Variants in RIMBP2 observed in about 807,000 individuals in gnomAD.
The protein encoded by RIMBP2 is RIMS-binding protein 2.
In RIMBP2, 48 loss-of-function variants were observed where a neutral mutation model predicts 118.6. The ratio of observed to expected loss-of-function variants is 0.40; its 90% confidence interval spans 0.32 to 0.51. The LOEUF (loss-of-function observed/expected upper bound fraction) is 0.51, where lower values mean the gene tolerates loss of function less well. Among genes scored for constraint, RIMBP2 ranks in the 20% least tolerant of loss-of-function variants. The pLI is 0.41. For synonymous variants in RIMBP2, 762 were observed against 742.9 expected, an observed-to-expected ratio of 1.03 and a Z score of -0.42; for missense variants, 1,551 against 1,768.3, an observed-to-expected ratio of 0.88 and a Z score of 2.20.
chr12:130,518,335 A>T (rs7134458), intron 2 of RIMBP2, among the ~76,000 whole-genome samples: 25,738 of 152,176 alleles, frequency 0.17, 2,529 homozygotes, highest in African/African-American at 0.27. Flanking sequence ...AAGATAAAGC[A>T]TTCTAAGGAC....
chr12:130,668,670 C>T (rs1195109396), intron 1 of RIMBP2: 1 of 152,328 alleles, frequency 6.6e-6, no homozygotes, highest in Non-Finnish European at 1.5e-5. Flanking sequence ...ACCACCTGCC[C>T]AGTCTCGGCT....
chr12:130,661,236 G>T lies in RIMBP2; in HGVS notation c.-351-32780C>A, dbSNP rs530530245. On this transcript the variant is annotated intron_variant, in intron 1 of 22. Coordinates refer to ENST00000690449, the MANE Select transcript of RIMBP2 (RefSeq NM_001393629.1). ...CCTCAACTGAGTCCAGGTGATCTGG[G>T]TGCCCCTGCTGCTTAGGGTCAGTCA... Among the ~76,000 whole-genome samples the T allele has an allele frequency of 2.0e-5, 3 of 152,240 alleles. No homozygotes were observed. The South Asian group carries it at 6.2e-4, about 32-fold the overall frequency.
At chr12:130,416,858 A>G (rs2076128891) in intron 17 of RIMBP2, among the ~76,000 whole-genome samples, 1 of 152,236 alleles carries the variant, frequency 6.6e-6, no homozygotes, top group Admixed American at 6.5e-5. Context: ...AAGGAACTTA[A>G]ATCAACAAGC....
chr12:130,698,026 C>T (rs1040145694), intron 1 of RIMBP2, among the ~76,000 whole-genome samples: 4 of 151,966 alleles, frequency 2.6e-5, no homozygotes, highest in South Asian at 4.2e-4. Flanking sequence ...CGGTCACGGG[C>T]GTGGAGAGGG....
At chr12:130,440,720 C>T (rs1337929664) in intron 11 of RIMBP2, among the ~76,000 whole-genome samples, 6 of 152,238 alleles carry the variant, frequency 3.9e-5, no homozygotes, top group African/African-American at 4.8e-5. Context: ...AATAAAATGT[C>T]GTCGTGTAAC....
intron 4 of RIMBP2, among the ~76,000 whole-genome samples, chr12:130,489,543 T>C (rs979697574): frequency 6.6e-6 from 1 of 151,988 alleles, no homozygotes; most frequent in African/African-American, 2.4e-5. Flanking sequence ...TCTCGAGCTG[T>C]CTCCTGTAGA....
intron 1 of RIMBP2, chr12:130,659,942 C>A (rs1214529955): frequency 1.3e-5 from 2 of 151,102 alleles, no homozygotes; most frequent in African/African-American, 4.9e-5. Flanking sequence ...TCACTGCACT[C>A]CAGCCTGGGT....
At chr12:130,436,497 T>C (rs1016835075) in intron 13 of RIMBP2, among the ~76,000 whole-genome samples, 2 of 152,146 alleles carry the variant, frequency 1.3e-5, no homozygotes, top group Non-Finnish European at 2.9e-5. Context: ...AGGAAGAGCC[T>C]GGTTCAGGAA....
chr12:130,716,128 AC>A (rs1950313435), intron 1 of RIMBP2, 93 bp downstream of exon 1: 1 of 151,958 alleles, frequency 6.6e-6, no homozygotes, highest in Non-Finnish European at 1.5e-5. Flanking sequence ...TTTCCGGCTA[AC>A]CCCCTGTGAT....
intron 2 of RIMBP2, among the ~76,000 whole-genome samples, chr12:130,589,659 A>AT (rs2059134264): frequency 6.6e-6 from 1 of 152,240 alleles, no homozygotes; most frequent in Non-Finnish European, 1.5e-5. Context: ...TGTTATCTTG[A>AT]TTTAATCCTT....
In RIMBP2 at chr12:130,442,061, T is replaced by G. The variant is rs1593312443; in HGVS notation, c.1291A>C (p.Thr431Pro). The G allele has an allele frequency of 6.2e-7, 1 of 1,614,108 alleles. No individual in the cohort carries two copies. Among genetic ancestry groups the G allele is most frequent in the Non-Finnish European group, 8.5e-7 (1 of 1,180,034 alleles). The change falls in exon 11 of 23, where the codon ACC becomes CCC. Residue 431 changes from threonine (T) to proline (P), a missense_variant. Physicochemically the swap from Thr to Pro is conservative, Grantham distance 38. Transcript: ENST00000690449. This position sits in a 1 kb window ranked among gnomAD's most constrained non-coding sequence, Gnocchi z 6.9. ...ATGACGTGGCTGTAGTTGCTGTTGG[T>G]GGGTAGCCAGGAGAGCTGGGCGGAG... Reference protein sequence around the residue: ...QISAQLSWLPTNSNYSHVIFL... With the variant: ...QISAQLSWLPPNSNYSHVIFL...
At chr12:130,567,190 AT>A (rs2057280711) in intron 2 of RIMBP2, among the ~76,000 whole-genome samples, 2 of 152,242 alleles carry the variant, frequency 1.3e-5, no homozygotes, top group Admixed American at 1.3e-4. Flanking sequence ...TGAAATCTTT[AT>A]AAGTATTCAC....
chr12:130,515,618 CA>C (rs2139015747), intron 3 of RIMBP2, among the ~76,000 whole-genome samples: 1 of 152,012 alleles, frequency 6.6e-6, no homozygotes, highest in Admixed American at 6.6e-5. Flanking sequence ...ACTCGTCCAT[CA>C]GTGGAAATGT....
At chr12:130,564,194 C>T (rs1463860022) in intron 2 of RIMBP2, among the ~76,000 whole-genome samples, 1 of 148,996 alleles carries the variant, frequency 6.7e-6, no homozygotes, top group Non-Finnish European at 1.5e-5. Flanking sequence ...CCTCTTCTCC[C>T]AGGTGCCCAC....
chr12:130,602,129 T>C (rs755267784), intron 2 of RIMBP2, among the ~76,000 whole-genome samples: 3 of 152,266 alleles, frequency 2.0e-5, no homozygotes, highest in South Asian at 2.1e-4. Context: ...CAAAACCTCG[T>C]CTCTACTAAA....
chr12:130,569,171 C>A (rs576607107), intron 2 of RIMBP2, among the ~76,000 whole-genome samples: 69 of 152,340 alleles, frequency 4.5e-4, no homozygotes, highest in African/African-American at 1.6e-3. Context: ...TGTCAGCTCC[C>A]TGGGCCCTGG....
At chr12:130,690,607 T>G (rs1021033049) in intron 1 of RIMBP2, among the ~76,000 whole-genome samples, 5 of 152,242 alleles carry the variant, frequency 3.3e-5, no homozygotes, top group Admixed American at 3.3e-4. Context: ...GGATTTTCTG[T>G]TGCTTGCAAC....
At chr12:130,686,176 C>T (rs889823746) in intron 1 of RIMBP2, among the ~76,000 whole-genome samples, 6 of 152,210 alleles carry the variant, frequency 3.9e-5, no homozygotes, top group Non-Finnish European at 2.9e-5. Flanking sequence ...CCCACATTCC[C>T]GTTGCCCCTT....
At chr12:130,677,395 AG>A (rs1053399544) in intron 1 of RIMBP2, among the ~76,000 whole-genome samples, 8 of 152,262 alleles carry the variant, frequency 5.3e-5, no homozygotes, top group African/African-American at 1.7e-4. Context: ...TAGAAGGCCA[AG>A]GCAGGCAGAT....
Sources: allele counts gnomAD v4.1 joint callset (sites outside exome capture counted in the v4.1 genomes callset), GRCh38; gene constraint gnomAD v4.1.1; non-coding constraint Gnocchi (gnomAD v3.1); transcripts MANE v1.5; gene names NCBI Gene and HGNC (gene_info 2026-07-23, HGNC 2026-07-21).